The following DYNC1H1 variants were observed in gnomAD, a reference collection of about 807,000 sequenced individuals.
The protein encoded by DYNC1H1 is dynein cytoplasmic 1 heavy chain 1, also known as cytoplasmic dynein 1 heavy chain 1.
A neutral mutation model predicts 527.1 loss-of-function variants in DYNC1H1; 51 were observed. That is an observed-to-expected ratio of 0.10 (90% CI 0.08 to 0.12). DYNC1H1 has a LOEUF of 0.12. Among genes scored for constraint, DYNC1H1 ranks in the 10% least tolerant of loss-of-function variants. The pLI is 1.00. For missense variants in DYNC1H1, 2,771 were observed against 5,971.8 expected, an observed-to-expected ratio of 0.46 and a Z score of 17.66; for synonymous variants, 2,189 against 2,278.8, an observed-to-expected ratio of 0.96 and a Z score of 1.12.
At chr14:101,984,038 G>C (rs1299748914) in intron 7 of DYNC1H1, among the ~76,000 whole-genome samples, 1 of 152,200 alleles carries the variant, frequency 6.6e-6, no homozygotes, top group East Asian at 1.9e-4. Flanking sequence ...AGTGATCTTG[G>C]CTCACTGCAG....
At position 102,000,542 on chromosome 14, in the gene DYNC1H1, G is replaced by A. The variant is rs572495465; in HGVS notation, c.4074+143G>A. 25 of 776,012 alleles carry A rather than the reference G, an allele frequency of 3.2e-5. 1 individual carries two copies. Among genetic ancestry groups the A allele is most frequent in the South Asian group, 1.4e-4 (9 of 63,538 alleles). The allele number at this position is 776,012 out of a possible 1,614,324, so 48.1% of individuals were successfully genotyped here. Reference sequence around the variant, plus strand: ...GTCCTGCATGTCATTTACATTATTCGTCCAAAATACTGTAAAACTTATTTT... The same window carrying A: ...GTCCTGCATGTCATTTACATTATTCATCCAAAATACTGTAAAACTTATTTT... On this transcript the variant is annotated intron_variant, in intron 18 of 77. Coordinates refer to ENST00000360184, the MANE Select transcript of DYNC1H1 (RefSeq NM_001376.5).
chr14:102,048,784 C>T (rs1462950782), intron 74 of DYNC1H1, 115 bp downstream of exon 74: 10 of 1,049,038 alleles, frequency 9.5e-6, no homozygotes, highest in South Asian at 2.7e-5. Context: ...CAGGAGCTTC[C>T]GAGAGCAGCT....
intron 18 of DYNC1H1, 194 bp from the exon 19 acceptor site, chr14:102,000,760 G>A (rs1595608718): frequency 1.8e-6 from 1 of 571,088 alleles, no homozygotes; most frequent in Non-Finnish European, 3.2e-6. Context: ...TTTTAGTAGA[G>A]ACAGGGTTTC....
Position 102,027,586 on chromosome 14 carries a change from G to A in DYNC1H1, c.9049-33G>A, listed in dbSNP as rs1373068765. 6.2e-7 allele frequency: 1 copy of A among 1,614,182 alleles called. No individual in the cohort carries two copies. ...TTGCGTTGCATTACGTGTTACCGGG[G>A]GACCAGTAAGTCAGCACTGTGCTGT... On this transcript the variant is annotated intron_variant, in intron 46 of 77. Coordinates refer to ENST00000360184, the MANE Select transcript of DYNC1H1 (RefSeq NM_001376.5). This position sits in a 1 kb window ranked among gnomAD's most constrained non-coding sequence, Gnocchi z 7.7.
In DYNC1H1 at chr14:102,055,322, C is replaced by G. The variant is rs2152603579; in HGVS notation, c.*4759C>G. ...GCCGACCAGGCTGGGAACACCGAGA[C>G]CGAGAGCGCGTGGCTGTGTCTACAA... On this transcript the variant is annotated 3_prime_UTR_variant, in exon 78 of 78. Coordinates refer to ENST00000360184, the MANE Select transcript of DYNC1H1 (RefSeq NM_001376.5). 6.6e-6 allele frequency: 1 copy of G among 152,422 alleles called. No individual in the cohort carries two copies. Among genetic ancestry groups the G allele is most frequent in the African/African-American group, 2.4e-5 (1 of 41,550 alleles). 9.4% of individuals were successfully genotyped at this position (152,422 alleles called of 1,614,324 possible). A position where few individuals can be genotyped will look rare whatever the true frequency, so the allele number is the denominator to read the frequency against.
chr14:102,048,299 G>A (rs1010566159), intron 73 of DYNC1H1: 39 of 735,722 alleles, frequency 5.3e-5, no homozygotes, highest in East Asian at 3.3e-4. Context: ...AGAGAGCCCC[G>A]AGAGCTGCGA....
intron 43 of DYNC1H1, chr14:102,023,478 G>C (rs2048411890): frequency 5.2e-6 from 1 of 191,000 alleles, no homozygotes; most frequent in Non-Finnish European, 1.1e-5. Context: ...GAACCCGGGA[G>C]GCAGAAGTTG....
In DYNC1H1 at chr14:102,027,838, G is replaced by A. The variant is rs200144865; in HGVS notation, c.9263+5G>A. On this transcript the variant is annotated splice_donor_5th_base_variant and intron_variant, in intron 47 of 77. Coordinates refer to ENST00000360184, the MANE Select transcript of DYNC1H1 (RefSeq NM_001376.5). The surrounding 1 kb of genome is among the most constrained non-coding windows in gnomAD (Gnocchi z 7.7). ...ATCACCAGCACTTTTCAACAGGTAC[G>A]TGGGCCTTTACTTGGCTCTGGGTCA... The A allele has an allele frequency of 2.0e-5, 32 of 1,614,078 alleles. No individual in the cohort carries two copies. Among genetic ancestry groups the A allele is most frequent in the Middle Eastern group, 1.6e-4 (1 of 6,084 alleles).
rs761720831 is a variant in DYNC1H1, at chr14:101,997,045, A to G, written c.3575A>G (p.Asn1192Ser). 4.3e-6 allele frequency: 7 copies of G among 1,614,000 alleles called. No individual in the cohort carries two copies. Among genetic ancestry groups the G allele is most frequent in the East Asian group, 2.2e-5 (1 of 44,902 alleles). The stretch of plus-strand genomic sequence containing the variant: ...TTTTAACTCTCAAAGCTCTACCGCA[A>G]TGGCCAGCGCTTACTGGAAAAGCAA... ...QFEKQVELYR[N>S]GQRLLEKQRF... The change falls in exon 16 of 78, where the codon AAT becomes AGT. Residue 1192 changes from asparagine (N) to serine (S), a missense_variant. Asn to Ser is a conservative substitution (Grantham distance 46, BLOSUM62 1). Transcript: ENST00000360184. This position sits in a 1 kb window ranked among gnomAD's most constrained non-coding sequence, Gnocchi z 4.8.
Position 102,015,940 on chromosome 14 carries a change from C to T in DYNC1H1, c.7327C>T (p.Leu2443=). The change falls in exon 36 of 78, where the codon CTG becomes TTG. Residue 2443 remains leucine (L), a synonymous_variant. Transcript: ENST00000360184. The surrounding 1 kb of genome is among the most constrained non-coding windows in gnomAD (Gnocchi z 6.9). The stretch of plus-strand genomic sequence containing the variant: ...CAAGGCGCTAGAGCACGCCTTCCAG[C>T]TGGAGCACATCATGGACCTAACACG... ...VTKALEHAFQ[L]EHIMDLTRLR... 1.2e-6 allele frequency: 2 copies of T among 1,614,222 alleles called. No individual in the cohort carries two copies. The highest frequency in any genetic ancestry group is 2.2e-5 in the East Asian group (1 of 44,892).
In DYNC1H1 at chr14:102,049,744, G is replaced by C; in HGVS notation, c.13546G>C (p.Val4516Leu). 2 of 1,613,872 alleles carry C rather than the reference G, an allele frequency of 1.2e-6. No individual in the cohort carries two copies. The highest frequency in any genetic ancestry group is 1.7e-6 in the Non-Finnish European group (2 of 1,180,018). Residue 4516 changes from valine (V) to leucine (L), a missense_variant, in exon 76 of 78, where the codon GTG becomes CTG. By Grantham distance (32) the Val-to-Leu change is conservative. Around this residue, in one of 32 missense-constraint regions of DYNC1H1, gnomAD observed 170 missense variants for 249.8 expected, o/e 0.68. Transcript: ENST00000360184. The surrounding 1 kb of genome is among the most constrained non-coding windows in gnomAD (Gnocchi z 5.5). ...CCACGTGTGCCTGGGTGGCCTGTTC[G>C]TGCCTGAGGCGTACATCACTGCCAC... ...NIHVCLGGLF[V>L]PEAYITATRQ...
chr14:101,987,775 G>C lies in DYNC1H1; in HGVS notation c.2718+143G>C, dbSNP rs1389891635. On this transcript the variant is annotated intron_variant, in intron 9 of 77. Transcript: ENST00000360184. ...TCCCCTCCAAAATCTCATTTAACTA[G>C]TGATAGAACTGAATTGTGGCCAGGC... is the stretch of plus-strand genomic sequence containing the variant. 6 of 1,017,178 alleles carry C rather than the reference G, an allele frequency of 5.9e-6. No individual in the cohort carries two copies. In the African/African-American group the frequency reaches 9.6e-5, roughly 16 times the overall value. The allele number at this position is 1,017,178 out of a possible 1,614,324, so 63.0% of individuals were successfully genotyped here. A position where few individuals can be genotyped will look rare whatever the true frequency, so the allele number is the denominator to read the frequency against.
At chr14:101,976,001 G>T (rs1238071907) in intron 2 of DYNC1H1, among the ~76,000 whole-genome samples, 1 of 150,600 alleles carries the variant, frequency 6.6e-6, no homozygotes, top group Non-Finnish European at 1.5e-5. Flanking sequence ...TCTGCCTCCC[G>T]GGTTCAAGCA....
chr14:102,042,259 G>A lies in DYNC1H1; in HGVS notation c.12246G>A (p.Lys4082=), dbSNP rs1234498550. Residue 4082 remains lysine (K), a synonymous_variant, in exon 67 of 78, where the codon AAG becomes AAA. Transcript: ENST00000360184. The surrounding 1 kb of genome is among the most constrained non-coding windows in gnomAD (Gnocchi z 5.7). ...GSAEGFNQAD[K]AINTAVKSGR... ...CAGAAGGCTTTAACCAAGCAGATAA[G>A]GCAATAAACACCGCTGTAAAGTCGG... 4 of 1,613,914 alleles carry A rather than the reference G, an allele frequency of 2.5e-6. No homozygotes were observed. The highest frequency in any genetic ancestry group is 3.4e-6 in the Non-Finnish European group (4 of 1,180,018).
chr14:102,033,918 T>A lies in DYNC1H1; in HGVS notation c.10414-58T>A. The stretch of plus-strand genomic sequence containing the variant: ...AATGTGGATGAACCGATTTGCAGGA[T>A]TCGGTATAAATCCTGAAAGGCCTCA... On this transcript the variant is annotated intron_variant, in intron 54 of 77. Coordinates refer to ENST00000360184, the MANE Select transcript of DYNC1H1 (RefSeq NM_001376.5). This position sits in a 1 kb window ranked among gnomAD's most constrained non-coding sequence, Gnocchi z 5.6. The A allele has an allele frequency of 6.3e-7, 1 of 1,582,752 alleles. No homozygotes were observed. Among genetic ancestry groups the A allele is most frequent in the Non-Finnish European group, 8.7e-7 (1 of 1,154,788 alleles).
intron 73 of DYNC1H1, 135 bp from the exon 74 acceptor site, chr14:102,048,381 G>A: frequency 1.6e-6 from 2 of 1,259,688 alleles, no homozygotes; most frequent in Non-Finnish European, 2.2e-6. Context: ...GTCACGCTCT[G>A]CCAAAGCTGT....
At position 101,965,689 on chromosome 14, in the gene DYNC1H1, C is replaced by T. The variant is rs1314346101; in HGVS notation, c.256+742C>T. ...CCAAGGTCACCAGCTAATCTTAGTC[C>T]TGAGACTAGACTCAGTGTCTCAGCT... On this transcript the variant is annotated intron_variant, in intron 1 of 77. Coordinates refer to ENST00000360184, the MANE Select transcript of DYNC1H1 (RefSeq NM_001376.5). This position sits in a 1 kb window ranked among gnomAD's most constrained non-coding sequence, Gnocchi z 4.1. Among the ~76,000 whole-genome samples the T allele has an allele frequency of 6.6e-6, 1 of 151,982 alleles. No homozygotes were observed. Among genetic ancestry groups the T allele is most frequent in the East Asian group, 1.9e-4 (1 of 5,152 alleles).
chr14:102,012,527 C>G lies in DYNC1H1; in HGVS notation c.7014+57C>G. On this transcript the variant is annotated intron_variant, in intron 34 of 77. Coordinates refer to ENST00000360184, the MANE Select transcript of DYNC1H1 (RefSeq NM_001376.5). This position sits in a 1 kb window ranked among gnomAD's most constrained non-coding sequence, Gnocchi z 4.9. ...TAATTCCTTTTGGCCAACTAAACTTCGTGTGCTAGCTAAGTGCAGCTCTGG... is the reference window on the plus strand; with the variant it reads ...TAATTCCTTTTGGCCAACTAAACTTGGTGTGCTAGCTAAGTGCAGCTCTGG... 1.2e-6 allele frequency: 2 copies of G among 1,610,310 alleles called. No individual in the cohort carries two copies. The highest frequency in any genetic ancestry group is 1.7e-6 in the Non-Finnish European group (2 of 1,177,068).
chr14:102,048,438 C>T (rs911466350), intron 73 of DYNC1H1, 78 bp from the exon 74 acceptor site: 2 of 1,596,410 alleles, frequency 1.3e-6, no homozygotes, highest in East Asian at 2.2e-5. Context: ...CCCCGGAGGC[C>T]GAGTTACTTC....
Sources: allele counts gnomAD v4.1 joint callset (sites outside exome capture counted in the v4.1 genomes callset), GRCh38; gene constraint gnomAD v4.1.1; regional missense constraint gnomAD v4.1.1; non-coding constraint Gnocchi (gnomAD v3.1); transcripts MANE v1.5; gene names NCBI Gene and HGNC (gene_info 2026-07-23, HGNC 2026-07-21).